The following RPGRIP1L variants were observed in gnomAD, a reference collection of about 807,000 sequenced individuals.
RPGRIP1L encodes RPGRIP1 like.
Under a neutral mutation model 160.4 loss-of-function variants are expected in RPGRIP1L, and 131 were observed. That is an observed-to-expected ratio of 0.82 (90% confidence interval 0.71 to 0.94). The LOEUF (loss-of-function observed/expected upper bound fraction) is 0.94, where lower values mean the gene tolerates loss of function less well. Ranked by LOEUF, RPGRIP1L falls within the 40% of genes least tolerant of loss-of-function variation. The pLI is 0.00. For synonymous variants in RPGRIP1L, 510 were observed against 515.8 expected (o/e 0.99, Z 0.15); for missense variants, 1,522 against 1,535.8 (o/e 0.99, Z 0.15).
intron 14 of RPGRIP1L, chr16:53,653,188 C>T (rs962426690): frequency 1.9e-6 from 1 of 527,884 alleles, no homozygotes; most frequent in Non-Finnish European, 2.4e-6. Flanking sequence ...TAGGCAGCAA[C>T]AAAATTGCAA....
intron 16 of RPGRIP1L, among the ~76,000 whole-genome samples, chr16:53,646,422 T>C (rs1025229825): frequency 2.6e-5 from 4 of 151,838 alleles, no homozygotes; most frequent in Admixed American, 6.6e-5. Context: ...CCTGAAACTG[T>C]TGGGATTTGA....
At chr16:53,670,251 T>C (rs139786358) in intron 9 of RPGRIP1L, among the ~76,000 whole-genome samples, 2 of 152,270 alleles carry the variant, frequency 1.3e-5, no homozygotes, top group East Asian at 3.9e-4. Flanking sequence ...ATTTGTTTAA[T>C]TTACAAAATG....
intron 10 of RPGRIP1L, among the ~76,000 whole-genome samples, chr16:53,662,059 A>G (rs1482731553): frequency 3.3e-5 from 5 of 152,198 alleles, no homozygotes; most frequent in African/African-American, 7.2e-5. Flanking sequence ...TACAAGATGA[A>G]AAATAACCTC....
At position 53,648,624 on chromosome 16, in the gene RPGRIP1L, G is replaced by GCACACACACA. The variant is rs1285147301; in HGVS notation, c.2304+339_2304+340insTGTGTGTGTG. Among the ~76,000 whole-genome samples, 184 of 106,802 alleles carry GCACACACACA rather than the reference G, an allele frequency of 1.7e-3. 1 individual carries two copies. Among genetic ancestry groups the GCACACACACA allele is most frequent in the African/African-American group, 4.2e-3 (159 of 38,210 alleles). The allele number at this position is 106,802 out of a possible 152,430, so 70.1% of individuals were successfully genotyped here. ...TATACGTACGCGCGTGCGCGCGCGC[G>GCACACACACA]CGCACACACACACACACACACACAC... is the stretch of plus-strand genomic sequence containing the variant. On this transcript the variant is annotated intron_variant, in intron 16 of 26. Coordinates refer to ENST00000647211, the MANE Select transcript of RPGRIP1L (RefSeq NM_015272.5).
chr16:53,643,109 C>T lies in RPGRIP1L; in HGVS notation c.2684-1634G>A, dbSNP rs115181242. The stretch of plus-strand genomic sequence containing the variant: ...GTCAGGAGTTTGAGACCAGCCTGGC[C>T]AACTGGCCAACATGGTGGTGAAACC... On this transcript the variant is annotated intron_variant, in intron 17 of 26. Coordinates refer to ENST00000647211, the MANE Select transcript of RPGRIP1L (RefSeq NM_015272.5). 3.3e-3 allele frequency among the ~76,000 whole-genome samples: 498 copies of T among 152,156 alleles called. 4 individuals carry two copies. The highest frequency in any genetic ancestry group is 0.011 in the African/African-American group (477 of 41,532).
In RPGRIP1L at chr16:53,692,293, C is replaced by T. The variant is rs146484603; in HGVS notation, c.302G>A (p.Arg101Gln). Residue 101 changes from arginine to glutamine, a missense_variant, in exon 4 of 27, where the codon CGG becomes CAG. Arg to Gln is a conservative substitution (Grantham distance 43, BLOSUM62 1). Coordinates refer to ENST00000647211, the MANE Select transcript of RPGRIP1L (RefSeq NM_015272.5). Reference sequence around the variant, plus strand: ...TTCCATTTCCACATCTCGTCCCAGCCGCTTGGGGCCGCCACCAACCCGCTC... The same window carrying T: ...TTCCATTTCCACATCTCGTCCCAGCTGCTTGGGGCCGCCACCAACCCGCTC... ...RYERVGGGPK[R>Q]LGRDVEMEEM... 5.0e-5 allele frequency: 80 copies of T among 1,613,958 alleles called. No homozygotes were observed. Among genetic ancestry groups the T allele is most frequent in the Non-Finnish European group, 5.9e-5 (70 of 1,180,000 alleles).
chr16:53,688,870 T>C (rs916642952), intron 4 of RPGRIP1L, among the ~76,000 whole-genome samples: 2 of 151,954 alleles, frequency 1.3e-5, no homozygotes, highest in African/African-American at 4.8e-5. Flanking sequence ...TCCAGAAGAA[T>C]AGAAAAGGCT....
chr16:53,668,402 G>C (rs80228590), intron 9 of RPGRIP1L, among the ~76,000 whole-genome samples: 7,768 of 152,178 alleles, frequency 0.051, 399 homozygotes, highest in East Asian at 0.3. Context: ...TTAAAAACTA[G>C]ATGAATACCT....
At chr16:53,637,611 G>T (rs1190395899) in intron 21 of RPGRIP1L, 84 bp downstream of exon 21, 3 of 1,203,926 alleles carry the variant, frequency 2.5e-6, no homozygotes, top group Non-Finnish European at 3.6e-6. Flanking sequence ...ACCATTAAAT[G>T]AAGATGTTCT....
intron 6 of RPGRIP1L, among the ~76,000 whole-genome samples, 187 bp from the exon 7 acceptor site, chr16:53,675,309 T>A (rs899566757): frequency 9.2e-5 from 14 of 152,146 alleles, no homozygotes; most frequent in African/African-American, 3.4e-4. Context: ...AACAAACCAA[T>A]AATCATTCCT....
chr16:53,618,593 G>C (rs1035185258), intron 24 of RPGRIP1L, among the ~76,000 whole-genome samples: 2 of 152,182 alleles, frequency 1.3e-5, no homozygotes, highest in Non-Finnish European at 2.9e-5. Flanking sequence ...ACTCAAGCAA[G>C]AGTGCGGTGG....
At chr16:53,673,184 C>T (rs1046036026) in intron 7 of RPGRIP1L, among the ~76,000 whole-genome samples, 168 bp from the exon 8 acceptor site, 1 of 152,030 alleles carries the variant, frequency 6.6e-6, no homozygotes, top group Admixed American at 6.6e-5. Context: ...GCTACTTATC[C>T]GTAGGAGACG....
In RPGRIP1L at chr16:53,675,106, T is replaced by C; in HGVS notation, c.793A>G (p.Asn265Asp). The part of the protein sequence containing the change: ...ATDQRSNIRD[N>D]VEMIKLHKQL... The stretch of plus-strand genomic sequence containing the variant: ...TTATGAAGCTTAATCATTTCTACAT[T>C]GTCCCGAATATTTGACCTTCAGAGT... The change falls in exon 7 of 27, where the codon AAT becomes GAT. Residue 265 changes from asparagine (N) to aspartate (D), a missense_variant. By Grantham distance (23) the Asn-to-Asp change is conservative. Transcript: ENST00000647211. 6.2e-7 allele frequency: 1 copy of C among 1,610,476 alleles called. No individual in the cohort carries two copies. Among genetic ancestry groups the C allele is most frequent in the Non-Finnish European group, 8.5e-7 (1 of 1,177,922 alleles).
chr16:53,699,386 T>TA (rs10652484), intron 2 of RPGRIP1L, among the ~76,000 whole-genome samples: 14,695 of 77,548 alleles, frequency 0.19, 1,369 homozygotes, highest in Non-Finnish European at 0.25. Context: ...GAATGATCAA[T>TA]AAAAAAAAAA....
At chr16:53,699,884 T>C in intron 2 of RPGRIP1L, among the ~76,000 whole-genome samples, 1 of 152,162 alleles carries the variant, frequency 6.6e-6, no homozygotes, top group East Asian at 1.9e-4. Context: ...AACAATACAT[T>C]GACCACTTTT....
At chr16:53,697,939 T>C (rs1285445162) in intron 2 of RPGRIP1L, among the ~76,000 whole-genome samples, 15 of 121,430 alleles carry the variant, frequency 1.2e-4, no homozygotes, top group East Asian at 2.5e-4. Context: ...CCGGCCGCCA[T>C]CCCATCTAGG....
At chr16:53,657,925 TTTTA>T (rs1967407143) in intron 12 of RPGRIP1L, among the ~76,000 whole-genome samples, 1 of 152,138 alleles carries the variant, frequency 6.6e-6, no homozygotes, top group African/African-American at 2.4e-5. Context: ...GTACATTTAT[TTTTA>T]TTTCATTTGA....
chr16:53,687,968 A>G lies in RPGRIP1L; in HGVS notation c.530-3T>C. ...ATCTGCATCTTGGAATTTTATACCT[A>G]AAAACAAAGTAATAAAATATGATTA... On this transcript the variant is annotated splice_polypyrimidine_tract_variant and splice_region_variant and intron_variant, in intron 4 of 26. Transcript: ENST00000647211. 2.0e-6 allele frequency: 3 copies of G among 1,519,630 alleles called. No individual in the cohort carries two copies. Among genetic ancestry groups the G allele is most frequent in the Non-Finnish European group, 2.7e-6 (3 of 1,094,744 alleles). 94.1% of individuals were successfully genotyped at this position (1,519,630 alleles called of 1,614,324 possible). A position where few individuals can be genotyped will look rare whatever the true frequency, so the allele number is the denominator to read the frequency against.
intron 26 of RPGRIP1L, 85 bp downstream of exon 26, chr16:53,605,396 G>A (rs192071522): frequency 1.3e-6 from 2 of 1,503,140 alleles, no homozygotes; most frequent in East Asian, 4.5e-5. Flanking sequence ...AGCACCCTTG[G>A]AGCCAGCAAA....
Sources: allele counts gnomAD v4.1 joint callset (sites outside exome capture counted in the v4.1 genomes callset), GRCh38; gene constraint gnomAD v4.1.1; transcripts MANE v1.5; gene names NCBI Gene and HGNC (gene_info 2026-07-23, HGNC 2026-07-21).